The following ZFHX3 variants were observed in gnomAD, a reference collection of about 807,000 sequenced individuals.
ZFHX3 encodes the protein zinc finger homeobox 3, also known as zinc finger homeobox protein 3.
A neutral mutation model predicts 279.1 loss-of-function variants in ZFHX3; 42 were observed. The observed-to-expected ratio is 0.15, with a 90% CI of 0.12 to 0.19. The LOEUF (loss-of-function observed/expected upper bound fraction) is 0.19. Ranked by LOEUF, ZFHX3 falls within the 10% of genes least tolerant of loss-of-function variation. The pLI is 1.00. For synonymous variants in ZFHX3, 2,293 were observed against 1,957.8 expected, an observed-to-expected ratio of 1.17 and a Z score of -4.52; for missense variants, 4,981 against 4,754.0, an observed-to-expected ratio of 1.05 and a Z score of -1.40.
chr16:73,445,145 A>G (rs908981945), intron 3 of ZFHX3, among the ~76,000 whole-genome samples: 4 of 152,048 alleles, frequency 2.6e-5, no homozygotes, highest in African/African-American at 7.2e-5. Context: ...AAATTTTAAA[A>G]AAAATCTTTT....
rs1055938735 is a variant in ZFHX3, at chr16:73,048,014, G to C, written c.-312C>G. On this transcript the variant is annotated 5_prime_UTR_variant, in exon 1 of 10. Transcript: ENST00000268489. ...GGCCCGTCCCCGGAGGGAGGTCCCCGGGACGCGGCGGGGATTCACCCACGG... is the reference window on the plus strand; with the variant it reads ...GGCCCGTCCCCGGAGGGAGGTCCCCCGGACGCGGCGGGGATTCACCCACGG... The C allele has an allele frequency of 6.6e-6, 1 of 152,176 alleles. No homozygotes were observed. Among genetic ancestry groups the C allele is most frequent in the Non-Finnish European group, 1.5e-5 (1 of 68,068 alleles). The allele number at this position is 152,176 out of a possible 1,614,324, so 9.4% of individuals were successfully genotyped here. A position where few individuals can be genotyped will look rare whatever the true frequency, so the allele number is the denominator to read the frequency against.
At chr16:73,753,544 C>A (rs545683877) in intron 1 of ZFHX3, among the ~76,000 whole-genome samples, 4 of 152,238 alleles carry the variant, frequency 2.6e-5, no homozygotes, top group Admixed American at 6.5e-5. Flanking sequence ...GGTATAAATA[C>A]AGTTGCCAAC....
intron 6 of ZFHX3, chr16:73,137,153 G>A (rs890593346): frequency 2.6e-5 from 4 of 152,014 alleles, no homozygotes; most frequent in Admixed American, 2.0e-4. Context: ...TGATGAGATC[G>A]ATACTGCTTT....
intron 1 of ZFHX3, among the ~76,000 whole-genome samples, chr16:73,030,266 C>T (rs1964649099): frequency 6.6e-6 from 1 of 152,212 alleles, no homozygotes; most frequent in Admixed American, 6.5e-5. Context: ...CTTTGCCAGA[C>T]ATTTTTACTA....
At chr16:73,251,224 C>G (rs1412964286) in intron 5 of ZFHX3, among the ~76,000 whole-genome samples, 4 of 152,184 alleles carry the variant, frequency 2.6e-5, no homozygotes, top group Non-Finnish European at 5.9e-5. Context: ...AGCCCAAAGT[C>G]TTAGTGAGGG....
At chr16:73,797,850 T>C (rs1018267143) in intron 1 of ZFHX3, among the ~76,000 whole-genome samples, 107 of 147,564 alleles carry the variant, frequency 7.3e-4, no homozygotes, top group African/African-American at 2.3e-3. Context: ...ATTGCACTCT[T>C]GTCACCCAGG....
At chr16:73,876,514 A>T (rs746679255) in intron 1 of ZFHX3, among the ~76,000 whole-genome samples, 11 of 152,246 alleles carry the variant, frequency 7.2e-5, no homozygotes, top group African/African-American at 2.7e-4. Context: ...TATCAGTAAC[A>T]TATATTCAAT....
Position 72,788,106 on chromosome 16 carries a change from T to C in ZFHX3, c.10170A>G (p.Lys3390=). Residue 3390 remains lysine (K), a synonymous_variant, in exon 10 of 10, where the codon AAA becomes AAG. Coordinates refer to ENST00000268489, the MANE Select transcript of ZFHX3 (RefSeq NM_006885.4). Reference sequence around the variant, plus strand: ...TTGCTTTGGGCTGCTGCTGCTGCACTTTTTGCTGCTGCTGCTGCTGTAGTT... The same window carrying C: ...TTGCTTTGGGCTGCTGCTGCTGCACCTTTTGCTGCTGCTGCTGCTGTAGTT... The part of the protein sequence containing the change: ...QRQLQQQQQQ[K]VQQQQPKASQ... The C allele has an allele frequency of 6.2e-7, 1 of 1,608,602 alleles. No individual in the cohort carries two copies. Among genetic ancestry groups the C allele is most frequent in the Non-Finnish European group, 8.5e-7 (1 of 1,176,878 alleles).
chr16:73,575,996 T>C (rs1250394714), intron 2 of ZFHX3, among the ~76,000 whole-genome samples: 2 of 152,210 alleles, frequency 1.3e-5, no homozygotes, highest in South Asian at 2.1e-4. Context: ...CCCGTCTTTC[T>C]CCTTCATCCA....
chr16:73,492,889 T>C (rs1382423700), intron 2 of ZFHX3, among the ~76,000 whole-genome samples: 1 of 152,226 alleles, frequency 6.6e-6, no homozygotes, highest in Non-Finnish European at 1.5e-5. Context: ...ACCATGACTG[T>C]ATTATTTCTC....
At chr16:73,714,126 T>C (rs2142229927) in intron 1 of ZFHX3, among the ~76,000 whole-genome samples, 1 of 152,304 alleles carries the variant, frequency 6.6e-6, no homozygotes, top group East Asian at 1.9e-4. Context: ...TCAGTATTAA[T>C]TATTAACAAC....
At chr16:73,503,726 G>A (rs903209654) in intron 2 of ZFHX3, among the ~76,000 whole-genome samples, 6 of 152,204 alleles carry the variant, frequency 3.9e-5, no homozygotes, top group Non-Finnish European at 7.3e-5. Context: ...AGAGAAACGT[G>A]GGGGAGGCTT....
intron 5 of ZFHX3, among the ~76,000 whole-genome samples, chr16:73,251,991 A>G (rs2013522499): frequency 6.6e-6 from 1 of 150,734 alleles, no homozygotes; most frequent in Non-Finnish European, 1.5e-5. Context: ...CATCACACAC[A>G]CACACAAACA....
At chr16:73,682,337 A>C (rs1722834346) in intron 1 of ZFHX3, among the ~76,000 whole-genome samples, 1 of 152,150 alleles carries the variant, frequency 6.6e-6, no homozygotes, top group Non-Finnish European at 1.5e-5. Flanking sequence ...CTTATATAAA[A>C]ATTAGGGGTT....
At chr16:73,541,786 CTTTTTTTTTTTTTTTT>C (rs546761843) in intron 2 of ZFHX3, among the ~76,000 whole-genome samples, 9 of 88,142 alleles carry the variant, frequency 1.0e-4, no homozygotes, top group South Asian at 7.9e-4. Context: ...TGGTGGTTCT[CTTTTTTTTTTTTTTTT>C]TTTTTTTTTT....
At chr16:73,591,015 C>T (rs144050632) in intron 2 of ZFHX3, among the ~76,000 whole-genome samples, 2,640 of 152,228 alleles carry the variant, frequency 0.017, 62 homozygotes, top group Non-Finnish European at 0.024. Flanking sequence ...GTGCAAACCG[C>T]AAAATCCAAA....
At position 73,579,873 on chromosome 16, in the gene ZFHX3, T is replaced by TATATATATAC. The variant is rs879701579; in HGVS notation, c.-1547+100306_-1547+100307insGTATATATAT. Among the ~76,000 whole-genome samples, 47 of 145,424 alleles carry TATATATATAC rather than the reference T, an allele frequency of 3.2e-4. 1 individual carries two copies. Among genetic ancestry groups the TATATATATAC allele is most frequent in the East Asian group, 1.6e-3 (8 of 5,114 alleles). On this transcript the variant is annotated intron_variant, in intron 2 of 17. Transcript: ENST00000641206. ...TACAGATTATATATATATATATATA[T>TATATATATAC]ACATACACACACATATAATGTATTA...
chr16:73,654,853 ACTTTTT>A, intron 2 of ZFHX3, among the ~76,000 whole-genome samples: 1 of 89,558 alleles, frequency 1.1e-5, no homozygotes, highest in South Asian at 4.5e-4. Context: ...GATAGTAATC[ACTTTTT>A]TTTTTTTTTT....
At chr16:73,741,708 T>C (rs1209363159) in intron 1 of ZFHX3, among the ~76,000 whole-genome samples, 1 of 152,216 alleles carries the variant, frequency 6.6e-6, no homozygotes. Context: ...TTATCTCCAC[T>C]TCTTTTATAT....
Sources: allele counts gnomAD v4.1 joint callset (sites outside exome capture counted in the v4.1 genomes callset), GRCh38; gene constraint gnomAD v4.1.1; transcripts MANE v1.5; gene names NCBI Gene and HGNC (gene_info 2026-07-23, HGNC 2026-07-21).